The following C1D variants were observed in gnomAD, a reference collection of about 807,000 sequenced individuals.
C1D encodes nuclear nucleic acid-binding protein C1D.
In C1D, 10 loss-of-function variants were observed where a neutral mutation model predicts 17.5. That is an observed-to-expected ratio of 0.57 (90% confidence interval 0.35 to 0.97). The LOEUF is 0.97. Among genes scored for constraint, C1D ranks in the 50% least tolerant of loss-of-function variants. The probability of loss-of-function intolerance (pLI) is 0.01; values close to 1 mark genes in which losing one functional copy is unlikely to be tolerated. For synonymous variants in C1D, 49 were observed against 54.0 expected (o/e 0.91, Z 0.40); for missense variants, 136 against 160.1 (o/e 0.85, Z 0.81).
chr2:68,048,167 A>G (rs1315786468), intron 1 of C1D, among the ~76,000 whole-genome samples: 2 of 152,172 alleles, frequency 1.3e-5, no homozygotes, highest in Non-Finnish European at 2.9e-5. Context: ...GCTAGTGCAT[A>G]CTCTGACAGC....
chr2:68,042,461 T>G lies in C1D; in HGVS notation c.*428A>C, dbSNP rs1670984872. On this transcript the variant is annotated 3_prime_UTR_variant, in exon 5 of 5. Coordinates refer to ENST00000410067, the MANE Select transcript of C1D (RefSeq NM_173177.3). ...CAGAAAAAAATGAACATTTAAGTCATTTCACGCTTTCTTAATATCATATAG... is the reference window on the plus strand; with the variant it reads ...CAGAAAAAAATGAACATTTAAGTCAGTTCACGCTTTCTTAATATCATATAG... The G allele has an allele frequency of 1.3e-5, 2 of 153,308 alleles. No individual in the cohort carries two copies. The highest frequency in any genetic ancestry group is 4.8e-5 in the African/African-American group (2 of 41,450). 9.5% of individuals were successfully genotyped at this position (153,308 alleles called of 1,614,324 possible).
intron 4 of C1D, among the ~76,000 whole-genome samples, chr2:68,043,940 A>G (rs1343025071): frequency 6.6e-6 from 1 of 152,226 alleles, no homozygotes; most frequent in Non-Finnish European, 1.5e-5. Flanking sequence ...GCTACAGCAC[A>G]CACACACCAA....
chr2:68,059,432 C>G (rs1196105242), intron 1 of C1D, among the ~76,000 whole-genome samples: 1 of 152,122 alleles, frequency 6.6e-6, no homozygotes, highest in African/African-American at 2.4e-5. Context: ...CTTTAAAACC[C>G]ACCTCAAATG....
At chr2:68,050,651 T>A (rs555570307) in intron 1 of C1D, among the ~76,000 whole-genome samples, 16 of 152,168 alleles carry the variant, frequency 1.1e-4, no homozygotes, top group African/African-American at 3.6e-4. Context: ...TTAACCAAGT[T>A]TGAAGTGCCC....
chr2:68,062,441 T>G (rs1343477567), intron 1 of C1D, among the ~76,000 whole-genome samples: 2 of 152,176 alleles, frequency 1.3e-5, no homozygotes, highest in Non-Finnish European at 2.9e-5. Flanking sequence ...CCACTACAGA[T>G]TTCAGCTAAA....
intron 1 of C1D, among the ~76,000 whole-genome samples, chr2:68,058,504 C>T (rs542202131): frequency 1.4e-4 from 22 of 152,240 alleles, no homozygotes; most frequent in Non-Finnish European, 2.4e-4. Context: ...CACAACTCTA[C>T]GACTGGGCAC....
chr2:68,044,179 A>G (rs1400902094), intron 4 of C1D, among the ~76,000 whole-genome samples: 1 of 152,152 alleles, frequency 6.6e-6, no homozygotes, highest in Admixed American at 6.6e-5. Context: ...ATATTCATAT[A>G]TATTTCTTAT....
Position 68,042,056 on chromosome 2 carries a change from AT to A in C1D, c.*832del, listed in dbSNP as rs1038226155. The A allele has an allele frequency of 1.3e-5, 2 of 152,056 alleles. No individual in the cohort carries two copies. The highest frequency in any genetic ancestry group is 2.4e-5 in the African/African-American group (1 of 41,446). The allele number at this position is 152,056 out of a possible 1,614,324, so 9.4% of individuals were successfully genotyped here. On this transcript the variant is annotated 3_prime_UTR_variant, in exon 5 of 5. Transcript: ENST00000410067. ...GCCTCAAAAACATGAAATAAAAAAA[AT>A]CTGAAAAAAAATGAGATGAAAAGAA...
chr2:68,045,023 C>A (rs1230197516), intron 4 of C1D, among the ~76,000 whole-genome samples: 1 of 152,034 alleles, frequency 6.6e-6, no homozygotes, highest in Admixed American at 6.6e-5. Context: ...TATACTTTTG[C>A]TTTAAATATT....
intron 1 of C1D, among the ~76,000 whole-genome samples, chr2:68,062,007 A>G (rs1222603900): frequency 1.3e-5 from 2 of 152,240 alleles, no homozygotes; most frequent in Admixed American, 6.5e-5. Context: ...CAATAGGGCT[A>G]ATCTGTTGTT....
At chr2:68,044,369 G>C (rs981130434) in intron 4 of C1D, among the ~76,000 whole-genome samples, 3 of 152,090 alleles carry the variant, frequency 2.0e-5, no homozygotes, top group Non-Finnish European at 2.9e-5. Context: ...TGATACATAC[G>C]GCAAATAAGT....
rs775825090 is a variant in C1D at position 68,047,318 on chromosome 2, G to A, written c.-8C>T. The A allele has an allele frequency of 2.5e-6, 4 of 1,593,278 alleles. No individual in the cohort carries two copies. The Admixed American group carries it at 7.3e-5, about 29-fold the overall frequency. ...AATTTCTTCACCTGCCATTATGGCTGACTGGAAAAAATTAAATTCTTTGAA... is the reference window on the plus strand; with the variant it reads ...AATTTCTTCACCTGCCATTATGGCTAACTGGAAAAAATTAAATTCTTTGAA... On this transcript the variant is annotated splice_region_variant and 5_prime_UTR_variant, in exon 2 of 5. Coordinates refer to ENST00000410067, the MANE Select transcript of C1D (RefSeq NM_173177.3).
intron 1 of C1D, among the ~76,000 whole-genome samples, chr2:68,049,484 T>A (rs1219587650): frequency 6.6e-6 from 1 of 152,202 alleles, no homozygotes; most frequent in Non-Finnish European, 1.5e-5. Flanking sequence ...AAAACAATGA[T>A]GTTCTTGGGA....
intron 1 of C1D, among the ~76,000 whole-genome samples, chr2:68,058,305 T>C (rs1043691448): frequency 1.3e-5 from 2 of 152,226 alleles, no homozygotes; most frequent in Admixed American, 6.5e-5. Context: ...GTGTGGATGA[T>C]AGACATTAAT....
Position 68,046,390 on chromosome 2 carries a change from T to C in C1D, c.159A>G (p.Ala53=), listed in dbSNP as rs1671121927. ...LLQKLDPLEQ[A]KVDLVSAYTL... is the part of the protein sequence containing the mutation. Reference sequence around the variant, plus strand: ...TGTATGCAGAAACCAAATCCACTTTTGCTTGTTCAAGTGGATCCAACTGTT... The same window carrying C: ...TGTATGCAGAAACCAAATCCACTTTCGCTTGTTCAAGTGGATCCAACTGTT... Residue 53 remains alanine, a synonymous_variant, in exon 3 of 5, where the codon GCA becomes GCG. Coordinates refer to ENST00000410067, the MANE Select transcript of C1D (RefSeq NM_173177.3). 1 of 1,611,816 alleles carries C rather than the reference T, an allele frequency of 6.2e-7. No individual in the cohort carries two copies. The highest frequency in any genetic ancestry group is 8.5e-7 in the Non-Finnish European group (1 of 1,178,602).
chr2:68,052,436 T>C (rs1450752160), intron 1 of C1D, among the ~76,000 whole-genome samples: 2 of 152,188 alleles, frequency 1.3e-5, no homozygotes, highest in Admixed American at 1.3e-4. Flanking sequence ...ACAAATACTG[T>C]ATGTATTTTT....
intron 2 of C1D, 97 bp downstream of exon 2, chr2:68,047,076 G>A: frequency 9.1e-7 from 1 of 1,099,016 alleles, no homozygotes; most frequent in Non-Finnish European, 1.3e-6. Flanking sequence ...GGGGAAAAGG[G>A]GCATAGGTCA....
chr2:68,060,386 A>T (rs1464357486), intron 1 of C1D, among the ~76,000 whole-genome samples: 1 of 152,226 alleles, frequency 6.6e-6, no homozygotes, highest in Non-Finnish European at 1.5e-5. Context: ...TGACGCCTGT[A>T]ATCCCAGCAC....
intron 1 of C1D, among the ~76,000 whole-genome samples, chr2:68,052,390 CAAAT>C (rs765229210): frequency 4.6e-5 from 7 of 151,274 alleles, no homozygotes; most frequent in South Asian, 2.1e-4. Flanking sequence ...TAATAAAAAA[CAAAT>C]AAAGGCACTT....
Sources: gnomAD v4.1 joint callset for allele counts (sites outside exome capture counted in the v4.1 genomes callset) on GRCh38, gnomAD v4.1.1 for gene constraint, MANE v1.5 for transcripts, NCBI Gene and HGNC (gene_info 2026-07-23, HGNC 2026-07-21) for gene names.